Variants in CDC42SE2 observed in about 807,000 individuals in gnomAD.
CDC42SE2 encodes the protein CDC42 small effector protein 2.
In CDC42SE2, 3 loss-of-function variants were observed where a neutral mutation model predicts 11.5. That is an observed-to-expected ratio of 0.26 (90% CI 0.12 to 0.67). The LOEUF (loss-of-function observed/expected upper bound fraction) is 0.67, where lower values mean the gene tolerates loss of function less well. Among genes scored for constraint, CDC42SE2 ranks in the 30% least tolerant of loss-of-function variants. CDC42SE2 has a pLI of 0.80. For synonymous variants in CDC42SE2, 33 were observed against 34.8 expected, an observed-to-expected ratio of 0.95 and a Z score of 0.18; for missense variants, 82 against 106.8, an observed-to-expected ratio of 0.77 and a Z score of 1.02.
chr5:131,276,728 ATTTT>A (rs71000985), intron 1 of CDC42SE2, among the ~76,000 whole-genome samples: 5 of 126,770 alleles, frequency 3.9e-5, no homozygotes, highest in African/African-American at 1.2e-4. Flanking sequence ...GACCATTAGA[ATTTT>A]TTTTTTTTTT....
At chr5:131,240,711 C>T (rs1756533578), upstream of CDC42SE2, among the ~76,000 whole-genome samples, 1 of 152,136 alleles carries the variant, frequency 6.6e-6, no homozygotes, top group Non-Finnish European at 1.5e-5. Context: ...GTTATATTCC[C>T]AATTGCTTTT....
intron 1 of CDC42SE2, among the ~76,000 whole-genome samples, chr5:131,264,368 G>C (rs983019383): frequency 3.2e-4 from 48 of 152,302 alleles, no homozygotes; most frequent in African/African-American, 1.1e-3. Context: ...TCATGCCCTA[G>C]GACCCTGCCT....
chr5:131,266,528 C>T (rs1343268701), intron 1 of CDC42SE2, among the ~76,000 whole-genome samples: 2 of 147,068 alleles, frequency 1.4e-5, no homozygotes, highest in South Asian at 2.1e-4. Flanking sequence ...GGTGTGATCT[C>T]GGCTTACTGC....
At chr5:131,236,446 A>C in the CDC42SE2 span, among the ~76,000 whole-genome samples, 5 of 152,056 alleles carry the variant, frequency 3.3e-5, no homozygotes, top group Non-Finnish European at 5.9e-5. Flanking sequence ...TATTTTTTTG[A>C]GACGGAGTCT....
chr5:131,345,685 G>C (rs1758823078), intron 2 of CDC42SE2, among the ~76,000 whole-genome samples: 1 of 152,098 alleles, frequency 6.6e-6, no homozygotes, highest in Admixed American at 6.6e-5. Context: ...GCATCTCCAA[G>C]ACACATAATT....
At chr5:131,375,673 A>T (rs1197426957) in intron 3 of CDC42SE2, among the ~76,000 whole-genome samples, 2 of 152,144 alleles carry the variant, frequency 1.3e-5, no homozygotes. Flanking sequence ...TGTATAGAAG[A>T]AGTTTATTAT....
At chr5:131,343,790 A>G (rs1262778689) in intron 2 of CDC42SE2, among the ~76,000 whole-genome samples, 1 of 151,930 alleles carries the variant, frequency 6.6e-6, no homozygotes, top group African/African-American at 2.4e-5. Context: ...GAGAAAGAGG[A>G]AGATTATTAA....
chr5:131,293,529 G>A (rs1012460625), intron 1 of CDC42SE2, among the ~76,000 whole-genome samples: 3 of 148,242 alleles, frequency 2.0e-5, no homozygotes, highest in Non-Finnish European at 4.4e-5. Flanking sequence ...TGGAGATCAG[G>A]CCACTGCACT....
chr5:131,233,684 GAAT>G, the CDC42SE2 span, among the ~76,000 whole-genome samples: 1 of 152,110 alleles, frequency 6.6e-6, no homozygotes, highest in Non-Finnish European at 1.5e-5. Context: ...ATATTTTAGT[GAAT>G]ATATTTGTAT....
intron 1 of CDC42SE2, among the ~76,000 whole-genome samples, chr5:131,269,834 G>A (rs776233869): frequency 1.3e-5 from 2 of 152,072 alleles, no homozygotes; most frequent in Non-Finnish European, 2.9e-5. Flanking sequence ...GCCGAGGTGG[G>A]TGGATCATCT....
intron 2 of CDC42SE2, among the ~76,000 whole-genome samples, chr5:131,357,669 T>C (rs181355212): frequency 2.4e-4 from 37 of 152,354 alleles, no homozygotes; most frequent in African/African-American, 8.4e-4. Context: ...CACAGTCAAA[T>C]TGATACATCT....
At chr5:131,331,058 A>G (rs1185699573) in intron 2 of CDC42SE2, among the ~76,000 whole-genome samples, 3 of 152,084 alleles carry the variant, frequency 2.0e-5, no homozygotes, top group Non-Finnish European at 4.4e-5. Context: ...TGAAAATGTC[A>G]GTAGCACTGA....
chr5:131,323,180 C>T (rs1049198279), intron 2 of CDC42SE2, among the ~76,000 whole-genome samples: 2 of 151,156 alleles, frequency 1.3e-5, no homozygotes, highest in African/African-American at 4.9e-5. Flanking sequence ...GCATGTGCCA[C>T]CACACCTGGC....
At chr5:131,246,761 C>CTTT (rs71000981) in intron 1 of CDC42SE2, among the ~76,000 whole-genome samples, 45 of 124,444 alleles carry the variant, frequency 3.6e-4, no homozygotes, top group Non-Finnish European at 4.1e-4. Context: ...CACTCAAATC[C>CTTT]TTTTTTTTTT....
intron 2 of CDC42SE2, among the ~76,000 whole-genome samples, chr5:131,318,598 G>A (rs1185127727): frequency 6.6e-6 from 1 of 152,206 alleles, no homozygotes; most frequent in East Asian, 1.9e-4. Context: ...CCAACACTGA[G>A]TGAGTAGAGC....
chr5:131,387,633 T>G (rs1229994450), intron 4 of CDC42SE2, among the ~76,000 whole-genome samples: 1 of 152,236 alleles, frequency 6.6e-6, no homozygotes, highest in African/African-American at 2.4e-5. Flanking sequence ...CGGAATTTCC[T>G]TTAAGATTCC....
chr5:131,303,752 T>G (rs1757729014), intron 1 of CDC42SE2, among the ~76,000 whole-genome samples: 2 of 152,218 alleles, frequency 1.3e-5, no homozygotes, highest in South Asian at 4.1e-4. Context: ...ACTCATTCAT[T>G]GGAGTTGTGC....
chr5:131,330,166 C>CTAA (rs1346097631), intron 2 of CDC42SE2, among the ~76,000 whole-genome samples: 2 of 152,138 alleles, frequency 1.3e-5, no homozygotes, highest in Non-Finnish European at 2.9e-5. Context: ...GGCTGGAAGG[C>CTAA]TAAGCTCAGT....
chr5:131,310,509 T>G (rs1757881050), intron 1 of CDC42SE2, among the ~76,000 whole-genome samples: 2 of 152,026 alleles, frequency 1.3e-5, no homozygotes, highest in African/African-American at 4.8e-5. Context: ...CCTTGTTGAC[T>G]TTCTGTCTCA....
Sources: allele counts gnomAD v4.1 joint callset (sites outside exome capture counted in the v4.1 genomes callset), GRCh38; gene constraint gnomAD v4.1.1; transcripts MANE v1.5; gene names NCBI Gene and HGNC (gene_info 2026-07-23, HGNC 2026-07-21).